Variants in FLNB observed in about 807,000 individuals in gnomAD.
FLNB encodes the protein filamin-B.
A neutral mutation model predicts 250.6 loss-of-function variants in FLNB; 111 were observed. That is an observed-to-expected ratio of 0.44 (90% confidence interval 0.38 to 0.52). FLNB has a LOEUF of 0.52. FLNB is among the 20% of genes least tolerant of loss of function. The pLI is 0.00. For missense variants in FLNB, 2,869 were observed against 3,447.8 expected, an observed-to-expected ratio of 0.83 and a Z score of 4.20; for synonymous variants, 1,302 against 1,372.1, an observed-to-expected ratio of 0.95 and a Z score of 1.13.
rs895614197 is a variant in FLNB, at chr3:58,008,477, C to T, written c.-88C>T. On this transcript the variant is annotated 5_prime_UTR_variant, in exon 1 of 46. Coordinates refer to ENST00000295956, the MANE Select transcript of FLNB (RefSeq NM_001457.4). ...GCAAGTTCGAACCCCGCTCCCGCTC[C>T]GCTTCGGTTCTCGCTCCTTCGGCCC... 34 of 1,461,172 alleles carry T rather than the reference C, an allele frequency of 2.3e-5. No individual in the cohort carries two copies. Among genetic ancestry groups the T allele is most frequent in the Non-Finnish European group, 2.6e-5 (28 of 1,067,786 alleles). The allele number at this position is 1,461,172 out of a possible 1,614,324, so 90.5% of individuals were successfully genotyped here. A position where few individuals can be genotyped will look rare whatever the true frequency, so the allele number is the denominator to read the frequency against.
intron 9 of FLNB, among the ~76,000 whole-genome samples, chr3:58,103,686 C>T (rs2097254699): frequency 1.3e-5 from 2 of 152,118 alleles, no homozygotes; most frequent in Non-Finnish European, 2.9e-5. Flanking sequence ...TTCAGGACCT[C>T]AGGGCCCCTC....
intron 29 of FLNB, among the ~76,000 whole-genome samples, chr3:58,140,844 A>G (rs890947024): frequency 6.6e-6 from 1 of 152,194 alleles, no homozygotes; most frequent in Non-Finnish European, 1.5e-5. Context: ...ACCTCCAGTG[A>G]TCCACCTGCC....
At chr3:58,124,103 C>G (rs2097293662) in intron 21 of FLNB, among the ~76,000 whole-genome samples, 1 of 152,158 alleles carries the variant, frequency 6.6e-6, no homozygotes, top group Non-Finnish European at 1.5e-5. Flanking sequence ...TTAACCTGTC[C>G]TCGAGCCCGG....
chr3:58,039,997 T>C (rs1356532215), intron 1 of FLNB, among the ~76,000 whole-genome samples: 1 of 152,046 alleles, frequency 6.6e-6, no homozygotes, highest in Non-Finnish European at 1.5e-5. Context: ...ATACAAAAAT[T>C]AGCTGGGTCT....
rs768280983 is a variant in FLNB at position 58,153,362 on chromosome 3, C to T, written c.6368-13C>T. 10 of 1,614,186 alleles carry T rather than the reference C, an allele frequency of 6.2e-6. No homozygotes were observed. In the South Asian group the frequency reaches 8.8e-5, roughly 14 times the overall value. On this transcript the variant is annotated splice_polypyrimidine_tract_variant and intron_variant, in intron 38 of 45. Transcript: ENST00000295956. The stretch of plus-strand genomic sequence containing the variant: ...AACCCTCTTCTCTCCCCCAACCTCC[C>T]TCCCTCTTTCAGAAATCAACAGCAG...
chr3:58,008,891 G>A, intron 1 of FLNB, 35 bp downstream of exon 1: 1 of 1,612,086 alleles, frequency 6.2e-7, no homozygotes, highest in Non-Finnish European at 8.5e-7. Context: ...CGCCCACTGT[G>A]GTGCCGACCC....
At chr3:58,165,170 C>T (rs1010874779) in intron 43 of FLNB, 1 of 152,408 alleles carries the variant, frequency 6.6e-6, no homozygotes, top group Non-Finnish European at 1.5e-5. Flanking sequence ...TGGGGTCTCC[C>T]ACACTGGCCA....
intron 6 of FLNB, among the ~76,000 whole-genome samples, 178 bp from the exon 7 acceptor site, chr3:58,097,637 C>T (rs981156803): frequency 6.6e-6 from 1 of 152,104 alleles, no homozygotes; most frequent in Non-Finnish European, 1.5e-5. Flanking sequence ...GCTGAAGGGG[C>T]CAGGTGGGAG....
At chr3:58,105,378 A>C (rs1369798172) in intron 11 of FLNB, among the ~76,000 whole-genome samples, 162 bp downstream of exon 11, 1 of 152,212 alleles carries the variant, frequency 6.6e-6, no homozygotes, top group Non-Finnish European at 1.5e-5. Flanking sequence ...GTACATTTGC[A>C]GTTGCCTCTG....
At chr3:58,060,769 C>CAAA (rs71091334) in intron 1 of FLNB, among the ~76,000 whole-genome samples, 23 of 64,212 alleles carry the variant, frequency 3.6e-4, no homozygotes, top group Non-Finnish European at 6.5e-4. Flanking sequence ...GACCTTGTCT[C>CAAA]AAAAAAAAAA....
At chr3:58,153,267 A>G in intron 38 of FLNB, 108 bp from the exon 39 acceptor site, 3 of 1,304,148 alleles carry the variant, frequency 2.3e-6, no homozygotes, top group Non-Finnish European at 3.3e-6. Context: ...CCTCACGTCC[A>G]CCGGGCTGCA....
rs190788736 is a variant in FLNB, at chr3:58,091,276, A to G, written c.788-3560A>G. 5.6e-3 allele frequency among the ~76,000 whole-genome samples: 853 copies of G among 152,318 alleles called. 11 individuals carry two copies. The highest frequency in any genetic ancestry group is 0.019 in the African/African-American group (808 of 41,554). ...GAAAGAAGTACAACATGGAGGAATCAGCCTTCCTGATTTCAAGACTTGCTG... is the reference window on the plus strand; with the variant it reads ...GAAAGAAGTACAACATGGAGGAATCGGCCTTCCTGATTTCAAGACTTGCTG... On this transcript the variant is annotated intron_variant, in intron 4 of 45. Coordinates refer to ENST00000295956, the MANE Select transcript of FLNB (RefSeq NM_001457.4).
chr3:58,170,731 C>G lies in FLNB; in HGVS notation c.7778C>G (p.Pro2593Arg). The change falls in exon 46 of 46, where the codon CCT (proline) becomes CGT (arginine). Residue 2593 changes from proline to arginine, a missense_variant. Pro to Arg is a moderately radical substitution (Grantham distance 103). Transcript: ENST00000295956. The part of the protein sequence containing the change: ...LAVKWGEEHI[P>R]GSPFHVTVP Reference sequence around the variant, plus strand: ...GTGAAGTGGGGGGAGGAACACATCCCTGGCAGCCCTTTTCATGTCACAGTG... The same window carrying G: ...GTGAAGTGGGGGGAGGAACACATCCGTGGCAGCCCTTTTCATGTCACAGTG... The G allele has an allele frequency of 6.2e-7, 1 of 1,614,192 alleles. No homozygotes were observed. Among genetic ancestry groups the G allele is most frequent in the Non-Finnish European group, 8.5e-7 (1 of 1,180,036 alleles).
chr3:58,038,911 T>C (rs1160983520), intron 1 of FLNB, among the ~76,000 whole-genome samples: 2 of 152,116 alleles, frequency 1.3e-5, no homozygotes, highest in Non-Finnish European at 2.9e-5. Flanking sequence ...TCCCAACCTG[T>C]TGTATCTTTG....
chr3:58,041,657 C>G (rs2097146158), intron 1 of FLNB, among the ~76,000 whole-genome samples: 2 of 152,220 alleles, frequency 1.3e-5, no homozygotes, highest in Admixed American at 6.5e-5. Flanking sequence ...GACAAGCACT[C>G]TTGCCTTGAA....
At chr3:58,089,887 A>C (rs550481403) in intron 4 of FLNB, among the ~76,000 whole-genome samples, 1 of 152,142 alleles carries the variant, frequency 6.6e-6, no homozygotes, top group Admixed American at 6.5e-5. Flanking sequence ...CCTGGGTTCA[A>C]GCTATTCTCC....
intron 42 of FLNB, among the ~76,000 whole-genome samples, chr3:58,160,942 C>T (rs1414393105): frequency 6.6e-6 from 1 of 152,156 alleles, no homozygotes; most frequent in African/African-American, 2.4e-5. Context: ...GTGATCATGC[C>T]ATTGCACTCC....
chr3:58,146,887 G>A lies in FLNB; in HGVS notation c.5622G>A (p.Gly1874=). The A allele has an allele frequency of 6.2e-7, 1 of 1,614,200 alleles. No homozygotes were observed. The highest frequency in any genetic ancestry group is 8.5e-7 in the Non-Finnish European group (1 of 1,180,038). Residue 1874 remains glycine, a synonymous_variant, in exon 34 of 46, where the codon GGG becomes GGA. Coordinates refer to ENST00000295956, the MANE Select transcript of FLNB (RefSeq NM_001457.4). ...TCAGCTGCATTGACAATAAAGATGG[G>A]ACATGCACAGTGACCTACCTGCCGA... is the stretch of plus-strand genomic sequence containing the variant. ...AEISCIDNKD[G]TCTVTYLPTL...
At chr3:58,082,640 G>A (rs993588040) in intron 4 of FLNB, among the ~76,000 whole-genome samples, 12 of 151,874 alleles carry the variant, frequency 7.9e-5, no homozygotes, top group African/African-American at 2.9e-4. Flanking sequence ...GCATGGTGGC[G>A]GGTGCCTGTA....
Sources: allele counts gnomAD v4.1 joint callset (sites outside exome capture counted in the v4.1 genomes callset), GRCh38; gene constraint gnomAD v4.1.1; transcripts MANE v1.5; gene names NCBI Gene and HGNC (gene_info 2026-07-23, HGNC 2026-07-21).